The following DRC1 variants were observed in gnomAD, a reference collection of about 807,000 sequenced individuals.
DRC1 encodes the protein dynein regulatory complex subunit 1, also known as dynein regulatory complex protein 1.
In DRC1, 74 loss-of-function variants were observed where a neutral mutation model predicts 98.7. The ratio of observed to expected loss-of-function variants is 0.75; its 90% CI spans 0.62 to 0.91. The LOEUF (loss-of-function observed/expected upper bound fraction) is 0.91. DRC1 is among the 40% of genes least tolerant of loss of function. The pLI is 0.00. For synonymous variants in DRC1, 336 were observed against 334.1 expected, an observed-to-expected ratio of 1.01 and a Z score of -0.06; for missense variants, 875 against 886.0, an observed-to-expected ratio of 0.99 and a Z score of 0.16.
At chr2:26,425,223 T>C (rs1205392753) in intron 4 of DRC1, among the ~76,000 whole-genome samples, 1 of 152,234 alleles carries the variant, frequency 6.6e-6, no homozygotes, top group Admixed American at 6.5e-5. Context: ...TTAGTATAGA[T>C]GGACTTCGTT....
At chr2:26,407,655 G>A (rs1031674569) in intron 1 of DRC1, among the ~76,000 whole-genome samples, 1 of 151,858 alleles carries the variant, frequency 6.6e-6, no homozygotes, top group African/African-American at 2.4e-5. Context: ...CCGACCACCC[G>A]GCACCCTCCT....
In DRC1 at chr2:26,421,352, T is replaced by C. The variant is rs774744171; in HGVS notation, c.308T>C (p.Ile103Thr). 17 of 1,613,542 alleles carry C rather than the reference T, an allele frequency of 1.1e-5. No homozygotes were observed. Among genetic ancestry groups the C allele is most frequent in the Non-Finnish European group, 1.4e-5 (17 of 1,179,758 alleles). Residue 103 changes from isoleucine (I) to threonine (T), a missense_variant, in exon 3 of 17, where the codon ATC becomes ACC. Coordinates refer to ENST00000288710, the MANE Select transcript of DRC1 (RefSeq NM_145038.5). Reference sequence around the variant, plus strand: ...ACAAATATCCAGGTGGCTATAGATATCAGAGAGATTCACAGGAGAGTCGAA... The same window carrying C: ...ACAAATATCCAGGTGGCTATAGATACCAGAGAGATTCACAGGAGAGTCGAA... ...LVTNIQVAID[I>T]REIHRRVEEE...
rs139421793 is a variant in DRC1 at position 26,455,206 on chromosome 2, G to A, written c.2139G>A (p.Ala713=). The A allele has an allele frequency of 3.8e-5, 61 of 1,613,878 alleles. No individual in the cohort carries two copies. The African/African-American group carries it at 7.1e-4, about 19-fold the overall frequency. ...SLEQQNTELQ[A]LLQQYLNSKI... ...AGCAGCAGAACACAGAGCTGCAGGC[G>A]CTACTGCAGCAGTATCTGAACTCCA... is the stretch of plus-strand genomic sequence containing the variant. Residue 713 remains alanine, a synonymous_variant, in exon 16 of 17, where the codon GCG becomes GCA. Transcript: ENST00000288710.
In DRC1 at chr2:26,446,990, T is replaced by G. The variant is rs1217095898; in HGVS notation, c.1397-1701T>G. On this transcript the variant is annotated intron_variant, in intron 10 of 16. Coordinates refer to ENST00000288710, the MANE Select transcript of DRC1 (RefSeq NM_145038.5). ...CTGTAATCCCAGCTACTCAGGAGGCTGAGGCAGGAGAATCGCTTGAACCCG... is the reference window on the plus strand; with the variant it reads ...CTGTAATCCCAGCTACTCAGGAGGCGGAGGCAGGAGAATCGCTTGAACCCG... Among the ~76,000 whole-genome samples the G allele has an allele frequency of 2.0e-5, 3 of 152,038 alleles. No individual in the cohort carries two copies. In the East Asian group the frequency reaches 5.8e-4, roughly 29 times the overall value.
intron 8 of DRC1, among the ~76,000 whole-genome samples, chr2:26,440,999 T>C (rs1663703122): frequency 2.0e-5 from 3 of 152,238 alleles, no homozygotes; most frequent in African/African-American, 7.2e-5. Context: ...AACCTTTTCC[T>C]CTTGCAAATA....
At chr2:26,455,012 AG>A (rs1664105834) in intron 15 of DRC1, 118 bp from the exon 16 acceptor site, 1 of 1,375,270 alleles carries the variant, frequency 7.3e-7, no homozygotes, top group African/African-American at 1.4e-5. Context: ...CTGGGTGAAG[AG>A]TGTAGCTTCT....
chr2:26,425,362 G>A (rs1413890964), intron 4 of DRC1, among the ~76,000 whole-genome samples: 1 of 152,162 alleles, frequency 6.6e-6, no homozygotes, highest in Non-Finnish European at 1.5e-5. Flanking sequence ...TTTGGCTTTT[G>A]TGAGTAATGC....
chr2:26,432,566 G>A lies in DRC1; in HGVS notation c.888+560G>A, dbSNP rs868391155. 3.5e-5 allele frequency among the ~76,000 whole-genome samples: 5 copies of A among 142,990 alleles called. No homozygotes were observed. In the South Asian group the frequency reaches 9.2e-4, roughly 26 times the overall value. The allele number at this position is 142,990 out of a possible 152,430, so 93.8% of individuals were successfully genotyped here. A position where few individuals can be genotyped will look rare whatever the true frequency, so the allele number is the denominator to read the frequency against. On this transcript the variant is annotated intron_variant, in intron 7 of 16. Coordinates refer to ENST00000288710, the MANE Select transcript of DRC1 (RefSeq NM_145038.5). ...AAAGAAAAGAAAGAAAGGAAGAAAGGAAGGAAGGAAAAAGAAAAGAAAAGG... is the reference window on the plus strand; with the variant it reads ...AAAGAAAAGAAAGAAAGGAAGAAAGAAAGGAAGGAAAAAGAAAAGAAAAGG...
chr2:26,448,904 T>TGGC, intron 11 of DRC1, 101 bp downstream of exon 11: 2 of 1,227,320 alleles, frequency 1.6e-6, no homozygotes, highest in Non-Finnish European at 2.4e-6. Context: ...AGTGGGCCAG[T>TGGC]CCTCCCCTGG....
At chr2:26,433,972 G>A (rs1192668126) in intron 7 of DRC1, among the ~76,000 whole-genome samples, 2 of 152,174 alleles carry the variant, frequency 1.3e-5, no homozygotes, top group African/African-American at 4.8e-5. Context: ...GTGGCAACAT[G>A]TGGAATGTTT....
chr2:26,417,419 C>T (rs1229140517), intron 2 of DRC1, among the ~76,000 whole-genome samples: 2 of 151,942 alleles, frequency 1.3e-5, no homozygotes, highest in Non-Finnish European at 2.9e-5. Flanking sequence ...ACCGCCGCCT[C>T]CTGGGTTCAA....
chr2:26,450,903 G>T (rs1468080373), intron 13 of DRC1, among the ~76,000 whole-genome samples: 3 of 104,554 alleles, frequency 2.9e-5, no homozygotes, highest in African/African-American at 1.1e-4. Flanking sequence ...GACAGGCCCC[G>T]GTGTGTTATG....
chr2:26,440,337 G>GTGTA (rs1663684208), intron 7 of DRC1, 41 bp from the exon 8 acceptor site: 2 of 1,531,278 alleles, frequency 1.3e-6, no homozygotes, highest in Non-Finnish European at 1.8e-6. Context: ...GTGTGTGTGT[G>GTGTA]TGTGTGTGTA....
At position 26,405,641 on chromosome 2, in the gene DRC1, TA is replaced by T. The variant is rs780980839; in HGVS notation, c.155+3500del. Among the ~76,000 whole-genome samples, 120 of 146,914 alleles carry T rather than the reference TA, an allele frequency of 8.2e-4. 1 individual carries two copies. The highest frequency in any genetic ancestry group is 1.4e-3 in the Non-Finnish European group (95 of 67,036). On this transcript the variant is annotated intron_variant, in intron 1 of 16. Coordinates refer to ENST00000288710, the MANE Select transcript of DRC1 (RefSeq NM_145038.5). ...GTATGGTGGTCTTGTTTTTTTTTTT[TA>T]AAGGCTATATCTTTTTTTTTTTTTT...
intron 4 of DRC1, among the ~76,000 whole-genome samples, chr2:26,428,708 A>G (rs7598889): frequency 0.88 from 133,494 of 151,998 alleles, 59,559 homozygotes; most frequent in Non-Finnish European, 0.92. Context: ...TGGGGCAGGA[A>G]AATGGCGTGA....
intron 2 of DRC1, among the ~76,000 whole-genome samples, chr2:26,419,791 A>T (rs527470784): frequency 3.1e-4 from 47 of 152,328 alleles, no homozygotes; most frequent in South Asian, 1.0e-3. Context: ...AGGATTTATC[A>T]TCTTGAATAA....
rs1663692485 is a variant in DRC1, at chr2:26,440,527, C to A, written c.1028+10C>A. On this transcript the variant is annotated intron_variant, in intron 8 of 16. Transcript: ENST00000288710. The stretch of plus-strand genomic sequence containing the variant: ...AGAGGAAGATCAATCGGTAAGCTAG[C>A]ATGCAGAGCGTCTTTCTTCTGGGCC... The A allele has an allele frequency of 1.1e-5, 17 of 1,607,022 alleles. No homozygotes were observed. The Admixed American group carries it at 2.5e-4, about 24-fold the overall frequency.
chr2:26,450,053 T>C lies in DRC1; in HGVS notation c.1567T>C (p.Cys523Arg). The stretch of plus-strand genomic sequence containing the variant: ...TCTCCTGCCCCTGGAGCAGAATGAA[T>C]GCTATCTGCTGAGGCTGGATGCCAT... ...SLLLPLEQNE[C>R]YLLRLDAIFS... is the part of the protein sequence containing the mutation. Residue 523 changes from cysteine to arginine, a missense_variant, in exon 12 of 17, where the codon TGC becomes CGC. Physicochemically the swap from Cys to Arg is radical, Grantham distance 180. Coordinates refer to ENST00000288710, the MANE Select transcript of DRC1 (RefSeq NM_145038.5). The C allele has an allele frequency of 6.2e-7, 1 of 1,613,782 alleles. No homozygotes were observed. Among genetic ancestry groups the C allele is most frequent in the Non-Finnish European group, 8.5e-7 (1 of 1,179,938 alleles).
intron 8 of DRC1, among the ~76,000 whole-genome samples, chr2:26,443,203 T>C (rs992116366): frequency 3.3e-5 from 5 of 152,216 alleles, no homozygotes; most frequent in African/African-American, 1.2e-4. Flanking sequence ...ATTTTTAGAA[T>C]TTCTAAACTT....
Sources: gnomAD v4.1 joint callset for allele counts (sites outside exome capture counted in the v4.1 genomes callset) on GRCh38, gnomAD v4.1.1 for gene constraint, MANE v1.5 for transcripts, NCBI Gene and HGNC (gene_info 2026-07-23, HGNC 2026-07-21) for gene names.